Variants in RPH3A observed in about 807,000 individuals in gnomAD.
RPH3A encodes rabphilin-3A.
RPH3A carries 48 observed loss-of-function variants against 102.2 expected under a neutral mutation model. The ratio of observed to expected loss-of-function variants is 0.47; its 90% CI spans 0.37 to 0.60. The LOEUF is 0.60. Among genes scored for constraint, RPH3A ranks in the 20% least tolerant of loss-of-function variants. The probability of loss-of-function intolerance (pLI) is 0.00; values close to 1 mark genes in which losing one functional copy is unlikely to be tolerated. For synonymous variants in RPH3A, 310 were observed against 324.3 expected (o/e 0.96, Z 0.47); for missense variants, 781 against 910.1 (o/e 0.86, Z 1.83).
intron 18 of RPH3A, 83 bp downstream of exon 18, chr12:112,890,163 C>T (rs988277444): frequency 1.6e-6 from 2 of 1,257,496 alleles, no homozygotes; most frequent in Non-Finnish European, 2.3e-6. Flanking sequence ...CCCTCCCTGG[C>T]CCCTTCCTCA....
At chr12:112,833,885 G>C (rs900020166) in intron 3 of RPH3A, among the ~76,000 whole-genome samples, 2 of 152,036 alleles carry the variant, frequency 1.3e-5, no homozygotes, top group South Asian at 2.1e-4. Context: ...GCACATTACT[G>C]CACCTGGATA....
At chr12:112,596,701 T>C (rs2039519619) in intron 1 of RPH3A, among the ~76,000 whole-genome samples, 1 of 152,198 alleles carries the variant, frequency 6.6e-6, no homozygotes, top group Non-Finnish European at 1.5e-5. Context: ...TTTTGTTAGG[T>C]TGTTTGCATA....
At chr12:112,588,135 C>T (rs1275825217) in intron 1 of RPH3A, among the ~76,000 whole-genome samples, 1 of 152,072 alleles carries the variant, frequency 6.6e-6, no homozygotes, top group Non-Finnish European at 1.5e-5. Flanking sequence ...TTGCTGGGCA[C>T]AATGAAGTTG....
chr12:112,684,082 G>A (rs561578614), intron 1 of RPH3A, among the ~76,000 whole-genome samples: 2 of 151,812 alleles, frequency 1.3e-5, no homozygotes, highest in African/African-American at 2.4e-5. Context: ...TATAGATATC[G>A]ATATGATCAT....
intron 1 of RPH3A, among the ~76,000 whole-genome samples, chr12:112,774,287 G>A (rs2040949383): frequency 6.6e-6 from 1 of 152,264 alleles, no homozygotes; most frequent in South Asian, 2.1e-4. Flanking sequence ...AACGAATGGG[G>A]AATTCTCTCA....
chr12:112,829,700 T>C (rs774703566), intron 3 of RPH3A, among the ~76,000 whole-genome samples: 3 of 152,224 alleles, frequency 2.0e-5, no homozygotes, highest in South Asian at 2.1e-4. Flanking sequence ...TTTCTCTTAA[T>C]TGGCTACTTA....
Position 112,890,852 on chromosome 12 carries a change from G to A in RPH3A, c.1624G>A (p.Val542Met), listed in dbSNP as rs2043082157. The A allele has an allele frequency of 2.5e-6, 4 of 1,613,522 alleles. No individual in the cohort carries two copies. The highest frequency in any genetic ancestry group is 3.4e-6 in the Non-Finnish European group (4 of 1,179,754). Residue 542 changes from valine (V) to methionine (M), a missense_variant, in exon 19 of 22, where the codon GTG becomes ATG. Around this residue, in one of 2 missense-constraint regions of RPH3A, gnomAD observed 730 missense variants for 810.0 expected, o/e 0.90. Coordinates refer to ENST00000389385, the MANE Select transcript of RPH3A (RefSeq NM_001143854.2). ...RGMALYEEEQ[V>M]ERVGDIEERG... ...ACTGCCTTTTCCCCCAATGCAGCAG[G>A]TGGAGCGTGTTGGTGACATCGAGGA... is the stretch of plus-strand genomic sequence containing the variant.
At chr12:112,721,653 T>C (rs965368168) in intron 1 of RPH3A, among the ~76,000 whole-genome samples, 2 of 152,058 alleles carry the variant, frequency 1.3e-5, no homozygotes, top group South Asian at 4.2e-4. Context: ...TTTTTTTTTT[T>C]TGGTGGTGAT....
intron 1 of RPH3A, among the ~76,000 whole-genome samples, chr12:112,776,913 A>AGG (rs1205214600): frequency 4.1e-5 from 5 of 121,078 alleles, no homozygotes; most frequent in Non-Finnish European, 8.5e-5. Context: ...AAAAAAAAAG[A>AGG]AAGTGCAAGG....
At chr12:112,605,781 G>A (rs563233818) in intron 1 of RPH3A, among the ~76,000 whole-genome samples, 6 of 152,324 alleles carry the variant, frequency 3.9e-5, no homozygotes, top group Non-Finnish European at 7.3e-5. Flanking sequence ...AACTACTAGC[G>A]TGCATCGTGT....
chr12:112,886,082 G>T (rs1484720040), intron 16 of RPH3A, among the ~76,000 whole-genome samples: 2 of 152,178 alleles, frequency 1.3e-5, no homozygotes, highest in African/African-American at 2.4e-5. Flanking sequence ...GCAGGACTCA[G>T]CTATGAGGGT....
intron 18 of RPH3A, 95 bp downstream of exon 18, chr12:112,890,175 C>A: frequency 9.1e-7 from 1 of 1,102,894 alleles, no homozygotes; most frequent in Non-Finnish European, 1.4e-6. Flanking sequence ...CCTTCCTCAT[C>A]CATTCTCTTC....
In RPH3A at chr12:112,735,147, G is replaced by A. The variant is rs190866381; in HGVS notation, c.-139-56996G>A. ...GCAGTCCTGGGTGTCACAGAGCAGA[G>A]ATAACAGCCTCGGGAAAATCGCCCA... On this transcript the variant is annotated intron_variant, in intron 1 of 21. Transcript: ENST00000543106. Among the ~76,000 whole-genome samples, 317 of 152,314 alleles carry A rather than the reference G, an allele frequency of 2.1e-3. 1 individual carries two copies. Among genetic ancestry groups the A allele is most frequent in the African/African-American group, 7.2e-3 (301 of 41,574 alleles).
At chr12:112,848,685 A>C (rs913356604) in intron 5 of RPH3A, among the ~76,000 whole-genome samples, 1 of 152,102 alleles carries the variant, frequency 6.6e-6, no homozygotes, top group African/African-American at 2.4e-5. Flanking sequence ...GATAATGAAA[A>C]CATGTTTGGG....
chr12:112,617,536 G>A (rs2039689936), intron 1 of RPH3A, among the ~76,000 whole-genome samples: 1 of 152,198 alleles, frequency 6.6e-6, no homozygotes, highest in Admixed American at 6.5e-5. Context: ...ATATCAGAGA[G>A]AAAAAGTGAA....
At chr12:112,713,049 CTCCTT>C (rs1565857460) in intron 1 of RPH3A, among the ~76,000 whole-genome samples, 35 of 68,398 alleles carry the variant, frequency 5.1e-4, no homozygotes, top group Admixed American at 9.3e-4. Flanking sequence ...TCTTCTTCTT[CTCCTT>C]CTTCTTCTTC....
chr12:112,682,644 T>G (rs1478847623), intron 1 of RPH3A, among the ~76,000 whole-genome samples: 1 of 152,114 alleles, frequency 6.6e-6, no homozygotes, highest in Non-Finnish European at 1.5e-5. Context: ...CCTTAGAACT[T>G]TGGAGAGCGT....
intron 13 of RPH3A, among the ~76,000 whole-genome samples, chr12:112,878,582 A>C (rs1263177046): frequency 1.3e-5 from 2 of 152,252 alleles, no homozygotes; most frequent in Non-Finnish European, 2.9e-5. Context: ...GAGACAGAGC[A>C]CCATAAAAGA....
intron 2 of RPH3A, among the ~76,000 whole-genome samples, chr12:112,796,401 G>T (rs556639320): frequency 6.6e-6 from 1 of 152,338 alleles, no homozygotes; most frequent in South Asian, 2.1e-4. Flanking sequence ...TAAGGGCCAA[G>T]GCTGTGATAT....
Sources: allele counts gnomAD v4.1 joint callset (sites outside exome capture counted in the v4.1 genomes callset), GRCh38; gene constraint gnomAD v4.1.1; regional missense constraint gnomAD v4.1.1; transcripts MANE v1.5; gene names NCBI Gene and HGNC (gene_info 2026-07-23, HGNC 2026-07-21).